RNF144A: variants seen among roughly 807,000 people sequenced by gnomAD.
RNF144A encodes the protein ring finger protein 144A, also known as E3 ubiquitin-protein ligase RNF144A.
RNF144A carries 11 observed loss-of-function variants against 38.7 expected under a neutral mutation model. The ratio of observed to expected loss-of-function variants is 0.28; its 90% CI spans 0.18 to 0.47. The LOEUF (loss-of-function observed/expected upper bound fraction) is 0.47, where lower values mean the gene tolerates loss of function less well. RNF144A is among the 20% of genes least tolerant of loss of function. The probability of loss-of-function intolerance (pLI) is 0.99; values close to 1 mark genes in which losing one functional copy is unlikely to be tolerated. For synonymous variants in RNF144A, 149 were observed against 143.9 expected (o/e 1.04, Z -0.25); for missense variants, 316 against 377.2 (o/e 0.84, Z 1.34).
rs115213878 is a variant in RNF144A at position 7,013,433 on chromosome 2, T to C, written c.136-1021T>C. ...ATGTCAGCTCAGCAAACATAGCTTA[T>C]TAATTTTTCTTGATTAATTGCTATT... On this transcript the variant is annotated intron_variant, in intron 3 of 8. Coordinates refer to ENST00000320892, the MANE Select transcript of RNF144A (RefSeq NM_014746.6). Among the ~76,000 whole-genome samples, 822 of 152,350 alleles carry C rather than the reference T, an allele frequency of 5.4e-3. 5 individuals are homozygous for C. The highest frequency in any genetic ancestry group is 0.018 in the African/African-American group (768 of 41,584).
At chr2:6,991,203 T>C (rs1330759653) in intron 2 of RNF144A, among the ~76,000 whole-genome samples, 2 of 152,204 alleles carry the variant, frequency 1.3e-5, no homozygotes, top group Non-Finnish European at 2.9e-5. Context: ...AGGAGTGTGA[T>C]TGCTGGAAAT....
intron 5 of RNF144A, among the ~76,000 whole-genome samples, chr2:7,015,167 A>T (rs934097680): frequency 6.6e-6 from 1 of 152,190 alleles, no homozygotes; most frequent in Admixed American, 6.5e-5. Flanking sequence ...GAGGGTAGGC[A>T]TAGCAGAAAT....
intron 1 of RNF144A, among the ~76,000 whole-genome samples, chr2:6,936,844 A>T (rs1044958293): frequency 4.9e-5 from 7 of 144,200 alleles, no homozygotes; most frequent in East Asian, 2.1e-4. Context: ...CACACACAGT[A>T]GTGTGTGTGT....
At chr2:6,989,294 C>A (rs2103376661) in intron 2 of RNF144A, among the ~76,000 whole-genome samples, 1 of 141,202 alleles carries the variant, frequency 7.1e-6, no homozygotes, top group Non-Finnish European at 1.6e-5. Flanking sequence ...ACCACCCTTG[C>A]TTATCTGAGA....
intron 6 of RNF144A, among the ~76,000 whole-genome samples, chr2:7,057,152 T>G (rs1455856653): frequency 6.6e-6 from 1 of 152,258 alleles, no homozygotes; most frequent in African/African-American, 2.4e-5. Flanking sequence ...ATGCTCTGTC[T>G]CTGTGCCATA....
intron 2 of RNF144A, among the ~76,000 whole-genome samples, chr2:6,952,391 G>C (rs1666742902): frequency 2.6e-5 from 1 of 38,708 alleles, no homozygotes; most frequent in Admixed American, 2.7e-4. Flanking sequence ...GAAGAGGGAG[G>C]GTTTTTTTTT....
At chr2:6,927,992 G>T (rs930624273) in intron 1 of RNF144A, among the ~76,000 whole-genome samples, 2 of 152,140 alleles carry the variant, frequency 1.3e-5, no homozygotes, top group African/African-American at 4.8e-5. Flanking sequence ...CATGGACAGG[G>T]CCCCTCGCCT....
At chr2:7,026,898 G>A (rs1043872454) in intron 7 of RNF144A, among the ~76,000 whole-genome samples, 37 of 152,206 alleles carry the variant, frequency 2.4e-4, no homozygotes, top group Admixed American at 2.6e-4. Context: ...CCTCATGGCC[G>A]TGCAGAGTTT....
intron 2 of RNF144A, among the ~76,000 whole-genome samples, chr2:6,946,256 C>G (rs1283487945): frequency 1.3e-5 from 2 of 152,216 alleles, no homozygotes; most frequent in Non-Finnish European, 2.9e-5. Context: ...AGACTTACAG[C>G]TTCATCAATA....
rs765223317 is a variant in RNF144A, at chr2:7,020,653, C to G, written c.482C>G (p.Pro161Arg). 1 of 1,605,500 alleles carries G rather than the reference C, an allele frequency of 6.2e-7. No individual in the cohort carries two copies. Among genetic ancestry groups the G allele is most frequent in the Non-Finnish European group, 8.5e-7 (1 of 1,179,968 alleles). The change falls in exon 6 of 9, where the codon CCG becomes CGG. Residue 161 changes from proline to arginine, a missense_variant. Coordinates refer to ENST00000320892, the MANE Select transcript of RNF144A (RefSeq NM_014746.6). ...GGCCAGGGCTGCCCGGAGACCATGC[C>G]GATCACCTTCCTCCCCGGGGAGACC... Reference protein sequence around the residue: ...HPGQGCPETMPITFLPGETSA... With the variant: ...HPGQGCPETMRITFLPGETSA...
At chr2:6,921,209 C>A (rs977661809) in intron 1 of RNF144A, among the ~76,000 whole-genome samples, 1 of 152,172 alleles carries the variant, frequency 6.6e-6, no homozygotes, top group African/African-American at 2.4e-5. Flanking sequence ...CCACAAATAA[C>A]CCAAGACCTG....
rs186570877 is a variant in RNF144A, at chr2:6,959,793, C to T, written c.-12+18646C>T. 1.6e-3 allele frequency among the ~76,000 whole-genome samples: 240 copies of T among 152,268 alleles called. 2 individuals carry two copies. Among genetic ancestry groups the T allele is most frequent in the African/African-American group, 5.3e-3 (221 of 41,544 alleles). On this transcript the variant is annotated intron_variant, in intron 2 of 8. Coordinates refer to ENST00000320892, the MANE Select transcript of RNF144A (RefSeq NM_014746.6). ...AGTCATTTCTTAAAGATCACCACCC[C>T]CCCCATACTGTTTCATTGAGGATTA...
intron 3 of RNF144A, 42 bp from the exon 4 acceptor site, chr2:7,014,412 G>GAT (rs775173220): frequency 2.3e-6 from 3 of 1,286,734 alleles, no homozygotes; most frequent in South Asian, 2.4e-5. Flanking sequence ...CAGCATTAAG[G>GAT]AGGTAAAGAT....
At chr2:6,950,928 G>A (rs1392040959) in intron 2 of RNF144A, among the ~76,000 whole-genome samples, 1 of 152,018 alleles carries the variant, frequency 6.6e-6, no homozygotes, top group Non-Finnish European at 1.5e-5. Flanking sequence ...TGTTTCAAGT[G>A]TTAAAAATAT....
In RNF144A at chr2:7,041,057, T is replaced by G; in HGVS notation, c.*1297T>G. 1.0e-6 allele frequency: 1 copy of G among 985,376 alleles called. No homozygotes were observed. The highest frequency in any genetic ancestry group is 1.2e-6 in the Non-Finnish European group (1 of 829,846). 61.0% of individuals were successfully genotyped at this position (985,376 alleles called of 1,614,324 possible). A position where few individuals can be genotyped will look rare whatever the true frequency, so the allele number is the denominator to read the frequency against. Reference sequence around the variant, plus strand: ...GAAAGTGTATTCTTTAAAGAGAATTTACTTCTAAAAGCCACAGGTGCTTTT... The same window carrying G: ...GAAAGTGTATTCTTTAAAGAGAATTGACTTCTAAAAGCCACAGGTGCTTTT... On this transcript the variant is annotated 3_prime_UTR_variant, in exon 9 of 9. Transcript: ENST00000320892.
At chr2:6,949,056 C>G (rs574660560) in intron 2 of RNF144A, among the ~76,000 whole-genome samples, 2 of 152,290 alleles carry the variant, frequency 1.3e-5, no homozygotes, top group South Asian at 4.1e-4. Context: ...CCACGTGGTG[C>G]TTTTGATTTC....
At chr2:7,056,603 A>G (rs1251925735) in intron 6 of RNF144A, among the ~76,000 whole-genome samples, 1 of 152,076 alleles carries the variant, frequency 6.6e-6, no homozygotes, top group Non-Finnish European at 1.5e-5. Flanking sequence ...TTCCTGCAGC[A>G]CTGGCCCCAT....
At chr2:7,046,583 A>G (rs1470875676), downstream of RNF144A, among the ~76,000 whole-genome samples, 1 of 152,226 alleles carries the variant, frequency 6.6e-6, no homozygotes, top group Non-Finnish European at 1.5e-5. Flanking sequence ...ATGCAGTTCC[A>G]CTGTGAATGT....
chr2:6,992,841 C>T (rs907541595), intron 2 of RNF144A, among the ~76,000 whole-genome samples: 3 of 152,266 alleles, frequency 2.0e-5, no homozygotes, highest in African/African-American at 7.2e-5. Flanking sequence ...CATCACAAGG[C>T]ACAATCCTTT....
Sources: allele counts gnomAD v4.1 joint callset (sites outside exome capture counted in the v4.1 genomes callset), GRCh38; gene constraint gnomAD v4.1.1; transcripts MANE v1.5; gene names NCBI Gene and HGNC (gene_info 2026-07-23, HGNC 2026-07-21).